The following RBFOX3 variants were observed in gnomAD, a reference collection of about 807,000 sequenced individuals.
The protein encoded by RBFOX3 is RNA binding protein fox-1 homolog 3.
A neutral mutation model predicts 48.7 loss-of-function variants in RBFOX3; 17 were observed. The ratio of observed to expected loss-of-function variants is 0.35; its 90% CI spans 0.24 to 0.52. The LOEUF is 0.52. Ranked by LOEUF, RBFOX3 falls within the 20% of genes least tolerant of loss-of-function variation. RBFOX3 has a pLI of 0.94. For synonymous variants in RBFOX3, 212 were observed against 209.5 expected (o/e 1.01, Z -0.10); for missense variants, 382 against 497.5 (o/e 0.77, Z 2.21).
chr17:79,330,958 T>C (rs1226416052), intron 2 of RBFOX3, among the ~76,000 whole-genome samples: 1 of 152,158 alleles, frequency 6.6e-6, no homozygotes, highest in Non-Finnish European at 1.5e-5. Flanking sequence ...CCTTGTGTCA[T>C]TTCACTCTAT....
rs991231098 is a variant in RBFOX3, at chr17:79,510,653, G to A, written c.-319-28055C>T. 5.4e-4 allele frequency among the ~76,000 whole-genome samples: 83 copies of A among 152,300 alleles called. 1 individual carries two copies. The highest frequency in any genetic ancestry group is 3.9e-3 in the Admixed American group (60 of 15,298). ...AACAGCAGAGCTTGGGAATGCCTGCGCTCACCTCAGAACCACCAGTGCATC... is the reference window on the plus strand; with the variant it reads ...AACAGCAGAGCTTGGGAATGCCTGCACTCACCTCAGAACCACCAGTGCATC... On this transcript the variant is annotated intron_variant, in intron 1 of 14. Transcript: ENST00000693108.
intron 2 of RBFOX3, among the ~76,000 whole-genome samples, chr17:79,388,291 C>T (rs935132270): frequency 6.6e-6 from 1 of 152,164 alleles, no homozygotes; most frequent in African/African-American, 2.4e-5. Context: ...CTTGAGAGAA[C>T]AAGGAGTTGG....
At chr17:79,171,400 T>G (rs2049257408) in intron 4 of RBFOX3, among the ~76,000 whole-genome samples, 1 of 152,212 alleles carries the variant, frequency 6.6e-6, no homozygotes, top group Admixed American at 6.5e-5. Context: ...AGAGCAAATA[T>G]TTAGAGCTTT....
intron 4 of RBFOX3, among the ~76,000 whole-genome samples, chr17:79,155,357 T>A (rs185141992): frequency 1.2e-3 from 185 of 152,206 alleles, no homozygotes; most frequent in African/African-American, 4.4e-3. Flanking sequence ...AACTCAACAG[T>A]GGAGCTGGGC....
chr17:79,589,607 C>T (rs1422273019), intron 1 of RBFOX3, among the ~76,000 whole-genome samples: 6 of 152,190 alleles, frequency 3.9e-5, no homozygotes, highest in Admixed American at 1.3e-4. Context: ...CTGCTGCCTG[C>T]CCAGGCTCCT....
chr17:79,608,958 C>A, intron 1 of RBFOX3, among the ~76,000 whole-genome samples: 1 of 152,050 alleles, frequency 6.6e-6, no homozygotes, highest in East Asian at 1.9e-4. Flanking sequence ...GCCCCCACCC[C>A]GCCGGCGCTC....
chr17:79,532,199 A>AG (rs1281588730), intron 1 of RBFOX3, among the ~76,000 whole-genome samples: 1,423 of 141,476 alleles, frequency 0.01, 9 homozygotes, highest in African/African-American at 0.014. Context: ...ACTGCACTGG[A>AG]GGGGGGAGGG....
chr17:79,461,311 G>A (rs1555748658), intron 2 of RBFOX3, among the ~76,000 whole-genome samples: 1 of 152,254 alleles, frequency 6.6e-6, no homozygotes, highest in Non-Finnish European at 1.5e-5. Context: ...GGCTGTCACA[G>A]AGAAATATTC....
At chr17:79,211,333 C>T (rs926422774) in intron 4 of RBFOX3, among the ~76,000 whole-genome samples, 2 of 152,226 alleles carry the variant, frequency 1.3e-5, no homozygotes, top group Non-Finnish European at 2.9e-5. Flanking sequence ...GCCTCCGCCA[C>T]CTCCTGCCCG....
chr17:79,101,158 G>GTGCCCCCAC, intron 9 of RBFOX3, among the ~76,000 whole-genome samples: 1 of 152,130 alleles, frequency 6.6e-6, no homozygotes, highest in Non-Finnish European at 1.5e-5. Flanking sequence ...AAGGCCCCCC[G>GTGCCCCCAC]TGCCCTCACT....
chr17:79,597,749 C>T, intron 1 of RBFOX3, among the ~76,000 whole-genome samples: 1 of 152,186 alleles, frequency 6.6e-6, no homozygotes, highest in East Asian at 1.9e-4. Flanking sequence ...ACAGACTCAC[C>T]CTGTGGCCAG....
intron 4 of RBFOX3, among the ~76,000 whole-genome samples, chr17:79,228,267 C>T (rs1050105583): frequency 9.9e-5 from 15 of 152,172 alleles, no homozygotes; most frequent in Admixed American, 3.3e-4. Context: ...CGCTCCGGAG[C>T]GGGCGGGGTG....
intron 4 of RBFOX3, among the ~76,000 whole-genome samples, chr17:79,116,971 C>T (rs915726645): frequency 1.3e-5 from 2 of 152,256 alleles, no homozygotes; most frequent in African/African-American, 4.8e-5. Flanking sequence ...CTGAGAACCA[C>T]TGACCTAGGG....
At chr17:79,210,830 T>G (rs1412158609) in intron 4 of RBFOX3, among the ~76,000 whole-genome samples, 1,961 of 108,670 alleles carry the variant, frequency 0.018, no homozygotes, top group Middle Eastern at 0.15. Flanking sequence ...AGTTTTGGAG[T>G]TTCCAACACC....
intron 2 of RBFOX3, among the ~76,000 whole-genome samples, chr17:79,430,269 CAAATAAATAAATAAATAAAT>C (rs56370699): frequency 9.2e-4 from 132 of 144,016 alleles, no homozygotes; most frequent in African/African-American, 3.2e-3. Context: ...AAACATCTTC[CAAATAAATAAATAAATAAAT>C]AAATAAATAA....
chr17:79,630,731 A>G, the RBFOX3 span, among the ~76,000 whole-genome samples: 12 of 152,196 alleles, frequency 7.9e-5, no homozygotes, highest in African/African-American at 2.9e-4. Flanking sequence ...AGAAGTGAGT[A>G]ACACTTACTG....
chr17:79,334,882 C>G (rs907549921), intron 2 of RBFOX3, among the ~76,000 whole-genome samples: 11 of 152,360 alleles, frequency 7.2e-5, no homozygotes, highest in African/African-American at 2.6e-4. Flanking sequence ...CCCCAACCAG[C>G]CCAGCCCACC....
chr17:79,377,402 TACAC>T (rs79774406), intron 2 of RBFOX3, among the ~76,000 whole-genome samples: 36,049 of 151,588 alleles, frequency 0.24, 5,517 homozygotes, highest in East Asian at 0.63. Flanking sequence ...CACACACTCA[TACAC>T]ACACAGACAT....
chr17:79,368,536 C>A (rs2058098128), intron 2 of RBFOX3, among the ~76,000 whole-genome samples: 1 of 152,264 alleles, frequency 6.6e-6, no homozygotes, highest in Admixed American at 6.5e-5. Flanking sequence ...CTGCCTTGGT[C>A]TCAGTTCCTC....
Sources: gnomAD v4.1 joint callset for allele counts (sites outside exome capture counted in the v4.1 genomes callset) on GRCh38, gnomAD v4.1.1 for gene constraint, MANE v1.5 for transcripts, NCBI Gene and HGNC (gene_info 2026-07-23, HGNC 2026-07-21) for gene names.